RGPD3: variants seen among roughly 807,000 people sequenced by gnomAD.
The protein encoded by RGPD3 is RANBP2 like and GRIP domain containing 3.
A neutral mutation model predicts 154.5 loss-of-function variants in RGPD3; 62 were observed. The ratio of observed to expected loss-of-function variants is 0.40; its 90% CI spans 0.33 to 0.50. The LOEUF (loss-of-function observed/expected upper bound fraction) is 0.50. Among genes scored for constraint, RGPD3 ranks in the 20% least tolerant of loss-of-function variants. The probability of loss-of-function intolerance (pLI) is 0.59; values close to 1 mark genes in which losing one functional copy is unlikely to be tolerated. For synonymous variants in RGPD3, 308 were observed against 607.0 expected (o/e 0.51, Z 7.24); for missense variants, 919 against 1,716.8 (o/e 0.54, Z 8.21).
At chr2:106,437,518 A>G (rs1227323620) in intron 9 of RGPD3, among the ~76,000 whole-genome samples, 3 of 152,100 alleles carry the variant, frequency 2.0e-5, no homozygotes, top group African/African-American at 7.2e-5. Context: ...TCTCAAAAAA[A>G]AGAAAAGAAA....
At position 106,459,289 on chromosome 2, in the gene RGPD3, G is replaced by A. The variant is rs1343924031; in HGVS notation, c.116C>T (p.Ala39Val). Residue 39 changes from alanine to valine, a missense_variant, in exon 2 of 23, where the codon GCT becomes GTT. By Grantham distance (64) the Ala-to-Val change is moderately conservative. Coordinates refer to ENST00000409886, the MANE Select transcript of RGPD3 (RefSeq NM_001144013.2). Reference protein sequence around the residue: ...GFYFAKLYYEAKEYDLAKKYI... With the variant: ...GFYFAKLYYEVKEYDLAKKYI... ...CTTTTTAGCAAGATCATATTCTTTA[G>A]CTTCATAATACAGCTTTGCAAAATA... The A allele has an allele frequency of 2.3e-5, 33 of 1,453,172 alleles. No individual in the cohort carries two copies. The highest frequency in any genetic ancestry group is 2.1e-4 in the Admixed American group (9 of 42,278). 90.0% of individuals were successfully genotyped at this position (1,453,172 alleles called of 1,614,324 possible). A position where few individuals can be genotyped will look rare whatever the true frequency, so the allele number is the denominator to read the frequency against.
intron 22 of RGPD3, among the ~76,000 whole-genome samples, chr2:106,412,319 T>TG (rs1463322819): frequency 5.1e-4 from 56 of 110,444 alleles, no homozygotes; most frequent in Non-Finnish European, 8.3e-4. Flanking sequence ...TTTTTTTTTT[T>TG]TTTTTTTTTT....
chr2:106,414,619 CAA>C (rs71274726), intron 21 of RGPD3, among the ~76,000 whole-genome samples: 7 of 136,580 alleles, frequency 5.1e-5, no homozygotes, highest in Non-Finnish European at 1.1e-4. Flanking sequence ...GAGACTATCT[CAA>C]AAAAAAAAAA....
intron 17 of RGPD3, 93 bp from the exon 18 acceptor site, chr2:106,429,874 T>C: frequency 2.0e-6 from 1 of 508,034 alleles, no homozygotes; most frequent in Non-Finnish European, 3.5e-6. Flanking sequence ...TAAATTTAAA[T>C]AACTGATTTT....
chr2:106,411,813 G>A (rs1446432703), intron 22 of RGPD3, among the ~76,000 whole-genome samples: 5 of 152,080 alleles, frequency 3.3e-5, no homozygotes, highest in East Asian at 1.9e-4. Context: ...GCAACACTAC[G>A]TCTCAAACAA....
chr2:106,407,288 T>C (rs1424707336), intron 22 of RGPD3, among the ~76,000 whole-genome samples: 21 of 152,082 alleles, frequency 1.4e-4, no homozygotes, highest in African/African-American at 4.8e-4. Context: ...ATCTATCATT[T>C]TTGCTGTATT....
chr2:106,439,962 T>A (rs1380491572), intron 8 of RGPD3, among the ~76,000 whole-genome samples: 34 of 102,230 alleles, frequency 3.3e-4, no homozygotes, highest in African/African-American at 1.2e-3. Context: ...AGTCCTCGGA[T>A]AAAGTACTGA....
intron 1 of RGPD3, among the ~76,000 whole-genome samples, chr2:106,464,623 G>A (rs1278492958): frequency 6.6e-6 from 1 of 151,756 alleles, no homozygotes; most frequent in East Asian, 1.9e-4. Context: ...TTGAGAAGTA[G>A]GAATCAGCTG....
chr2:106,468,151 G>C, intron 1 of RGPD3, 66 bp downstream of exon 1: 1 of 1,531,076 alleles, frequency 6.5e-7, no homozygotes, highest in Non-Finnish European at 8.8e-7. Flanking sequence ...CGAGGCCGCC[G>C]CCGGGCCGGG....
At chr2:106,466,168 G>A (rs1243633010) in intron 1 of RGPD3, among the ~76,000 whole-genome samples, 1 of 151,152 alleles carries the variant, frequency 6.6e-6, no homozygotes, top group African/African-American at 2.5e-5. Context: ...GGGAACAAGC[G>A]TCGGGAACAA....
chr2:106,435,122 C>CATG lies in RGPD3; in HGVS notation c.1838_1839insCAT (p.Leu613delinsPheMet), dbSNP rs1399900069. ...TGTTCTTCTTTTTTATTATCTTCAACAATGGCAAAACTTTCTTCCAATAAT... is the reference window on the plus strand; with the variant it reads ...TGTTCTTCTTTTTTATTATCTTCAACATGAATGGCAAAACTTTCTTCCAATAAT... On this transcript the variant is annotated protein_altering_variant, in exon 13 of 23. Coordinates refer to ENST00000409886, the MANE Select transcript of RGPD3 (RefSeq NM_001144013.2). 6 of 821,050 alleles carry CATG rather than the reference C, an allele frequency of 7.3e-6. No individual in the cohort carries two copies. Among genetic ancestry groups the CATG allele is most frequent in the Admixed American group, 2.5e-5 (1 of 39,980 alleles). 50.9% of individuals were successfully genotyped at this position (821,050 alleles called of 1,614,324 possible). A position where few individuals can be genotyped will look rare whatever the true frequency, so the allele number is the denominator to read the frequency against.
chr2:106,464,412 T>A (rs539667055), intron 1 of RGPD3, among the ~76,000 whole-genome samples: 140 of 150,020 alleles, frequency 9.3e-4, no homozygotes, highest in African/African-American at 3.3e-3. Flanking sequence ...AAAGTATATA[T>A]GTGTGTTACT....
chr2:106,443,786 C>T (rs1437966490), intron 7 of RGPD3, among the ~76,000 whole-genome samples: 2 of 120,952 alleles, frequency 1.7e-5, no homozygotes, highest in African/African-American at 6.3e-5. Context: ...ACCTCCGCCT[C>T]CTGGTTTCAA....
intron 22 of RGPD3, chr2:106,412,767 A>G (rs1386848131): frequency 1.9e-6 from 1 of 515,382 alleles, no homozygotes; most frequent in Admixed American, 2.4e-5. Context: ...TTTTTTAAAA[A>G]GTAGAATTTA....
In RGPD3 at chr2:106,424,951, A is replaced by C. The variant is rs1438425952; in HGVS notation, c.3016T>G (p.Ser1006Ala). The C allele has an allele frequency of 6.2e-7, 1 of 1,611,866 alleles. No homozygotes were observed. The highest frequency in any genetic ancestry group is 1.3e-5 in the African/African-American group (1 of 74,932). Residue 1006 changes from serine (S) to alanine (A), a missense_variant, in exon 20 of 23, where the codon TCA becomes GCA. By Grantham distance (99) the Ser-to-Ala change is moderately conservative. Transcript: ENST00000409886. ...FSGAGEKLFS[S>A]QYGKMANKAN... The stretch of plus-strand genomic sequence containing the variant: ...TTATTGGCCATTTTACCGTATTGTG[A>C]TGAGAATAATTTTTCTCCAGCACCT...
chr2:106,414,554 G>A (rs1450067005), intron 21 of RGPD3, among the ~76,000 whole-genome samples: 21 of 150,162 alleles, frequency 1.4e-4, no homozygotes, highest in African/African-American at 2.4e-4. Flanking sequence ...CCTGGGAGGC[G>A]GAGATTGCAG....
At position 106,424,623 on chromosome 2, in the gene RGPD3, G is replaced by C. The variant is rs534325470; in HGVS notation, c.3344C>G (p.Thr1115Arg). 87 of 1,611,700 alleles carry C rather than the reference G, an allele frequency of 5.4e-5. No homozygotes were observed. The highest frequency in any genetic ancestry group is 7.1e-5 in the Non-Finnish European group (84 of 1,179,852). Residue 1115 changes from threonine (T) to arginine (R), a missense_variant, in exon 20 of 23, where the codon ACG becomes AGG. By Grantham distance (71) the Thr-to-Arg change is moderately conservative. Transcript: ENST00000409886. The stretch of plus-strand genomic sequence containing the variant: ...GAGGGGCTTCAGGTTCATTGTAGTC[G>C]TTATCCAATGATTAGCACACACTTT... ...VLKVCANHWI[T>R]TTMNLKPLSG...
intron 21 of RGPD3, among the ~76,000 whole-genome samples, chr2:106,414,730 T>C (rs985673720): frequency 1.4e-4 from 21 of 151,266 alleles, no homozygotes; most frequent in Non-Finnish European, 2.7e-4. Context: ...TGTTATTTTA[T>C]AGAGATGCAT....
chr2:106,457,378 C>T (rs545086676), intron 3 of RGPD3, among the ~76,000 whole-genome samples, 189 bp downstream of exon 3: 12 of 152,376 alleles, frequency 7.9e-5, no homozygotes, highest in South Asian at 4.1e-4. Flanking sequence ...CATTTCTGAC[C>T]GTGTTAGACT....
Sources: gnomAD v4.1 joint callset for allele counts (sites outside exome capture counted in the v4.1 genomes callset) on GRCh38, gnomAD v4.1.1 for gene constraint, MANE v1.5 for transcripts, NCBI Gene and HGNC (gene_info 2026-07-23, HGNC 2026-07-21) for gene names.